The following IL1RAP variants were observed in gnomAD, a reference collection of about 807,000 sequenced individuals.
IL1RAP encodes the protein interleukin-1 receptor accessory protein.
A neutral mutation model predicts 60.7 loss-of-function variants in IL1RAP; 35 were observed. That is an observed-to-expected ratio of 0.58 (90% confidence interval 0.44 to 0.76). The LOEUF (loss-of-function observed/expected upper bound fraction) is 0.76. IL1RAP is among the 30% of genes least tolerant of loss of function. The probability of loss-of-function intolerance (pLI) is 0.00; values close to 1 mark genes in which losing one functional copy is unlikely to be tolerated. For missense variants in IL1RAP, 572 were observed against 693.9 expected, an observed-to-expected ratio of 0.82 and a Z score of 1.97; for synonymous variants, 268 against 250.9, an observed-to-expected ratio of 1.07 and a Z score of -0.64.
chr3:190,628,458 C>T (rs1265147113), intron 8 of IL1RAP, among the ~76,000 whole-genome samples: 1 of 152,178 alleles, frequency 6.6e-6, no homozygotes, highest in Non-Finnish European at 1.5e-5. Flanking sequence ...AATCAGAGCC[C>T]TTAACCAAAT....
chr3:190,580,250 C>T (rs1159195224), intron 3 of IL1RAP, among the ~76,000 whole-genome samples: 1 of 152,134 alleles, frequency 6.6e-6, no homozygotes, highest in Non-Finnish European at 1.5e-5. Flanking sequence ...CAACTGAGAA[C>T]ATCTCCTGTG....
At position 190,623,375 on chromosome 3, in the gene IL1RAP, C is replaced by T. The variant is rs764574014; in HGVS notation, c.735C>T (p.Ile245=). 6.2e-7 allele frequency: 1 copy of T among 1,613,536 alleles called. No individual in the cohort carries two copies. Among genetic ancestry groups the T allele is most frequent in the South Asian group, 1.1e-5 (1 of 91,062 alleles). ...GSPKNAVPPV[I]HSPNDHVVYE... Reference sequence around the variant, plus strand: ...CAAAAAATGCAGTGCCCCCTGTGATCCATTCACCTAATGATCATGTGGTCT... The same window carrying T: ...CAAAAAATGCAGTGCCCCCTGTGATTCATTCACCTAATGATCATGTGGTCT... The change falls in exon 7 of 12, where the codon ATC becomes ATT. Residue 245 remains isoleucine, a synonymous_variant. Transcript: ENST00000447382.
chr3:190,544,379 C>T (rs1724197703), intron 1 of IL1RAP, among the ~76,000 whole-genome samples: 1 of 152,138 alleles, frequency 6.6e-6, no homozygotes, highest in Non-Finnish European at 1.5e-5. Flanking sequence ...TACTTAAATC[C>T]ACCAGCATGT....
At chr3:190,562,390 T>G (rs1725969754) in intron 2 of IL1RAP, among the ~76,000 whole-genome samples, 1 of 152,066 alleles carries the variant, frequency 6.6e-6, no homozygotes, top group Admixed American at 6.6e-5. Flanking sequence ...TTGGTGCACA[T>G]TTTAAGTTTC....
chr3:190,566,661 A>G (rs1249407778), intron 3 of IL1RAP, among the ~76,000 whole-genome samples: 1 of 152,184 alleles, frequency 6.6e-6, no homozygotes, highest in Non-Finnish European at 1.5e-5. Flanking sequence ...CCCATCTGGC[A>G]CGTACTCATT....
At chr3:190,567,863 C>T (rs1037638371) in intron 3 of IL1RAP, among the ~76,000 whole-genome samples, 2 of 152,036 alleles carry the variant, frequency 1.3e-5, no homozygotes, top group Non-Finnish European at 2.9e-5. Context: ...CTAATAAACT[C>T]GAAGAAGTTC....
In IL1RAP at chr3:190,624,600, C is replaced by T. The variant is rs182101387; in HGVS notation, c.775+1185C>T. ...GTCAGTTGTTAATGGGTGAAAGCAA[C>T]GGAGAGGATGCCATTCAATAAAAAA... On this transcript the variant is annotated intron_variant, in intron 7 of 11. Transcript: ENST00000447382. 51 of 150,644 alleles carry T rather than the reference C, an allele frequency of 3.4e-4. No homozygotes were observed. In the East Asian group the frequency reaches 5.1e-3, roughly 15 times the overall value. The allele number at this position is 150,644 out of a possible 1,614,324, so 9.3% of individuals were successfully genotyped here.
chr3:190,520,720 A>G (rs1721946501), intron 1 of IL1RAP, among the ~76,000 whole-genome samples: 1 of 152,164 alleles, frequency 6.6e-6, no homozygotes, highest in African/African-American at 2.4e-5. Flanking sequence ...GTAACCTTTT[A>G]TGTCTAGTTT....
chr3:190,596,224 G>C (rs1729366584), intron 3 of IL1RAP, among the ~76,000 whole-genome samples: 1 of 152,156 alleles, frequency 6.6e-6, no homozygotes, highest in Non-Finnish European at 1.5e-5. Flanking sequence ...ATAGTGCTTT[G>C]CGCATAGCAG....
At chr3:190,529,233 G>A (rs1313866586) in intron 1 of IL1RAP, among the ~76,000 whole-genome samples, 1 of 152,118 alleles carries the variant, frequency 6.6e-6, no homozygotes, top group Non-Finnish European at 1.5e-5. Flanking sequence ...GGAAGATCTG[G>A]CAGGAATTGA....
At chr3:190,585,519 G>A (rs1728374973) in intron 3 of IL1RAP, among the ~76,000 whole-genome samples, 1 of 152,086 alleles carries the variant, frequency 6.6e-6, no homozygotes, top group Admixed American at 6.5e-5. Flanking sequence ...TCATTAACAT[G>A]TGTCACTTTA....
chr3:190,610,913 G>A (rs1203845303), intron 5 of IL1RAP, among the ~76,000 whole-genome samples: 1 of 152,130 alleles, frequency 6.6e-6, no homozygotes, highest in African/African-American at 2.4e-5. Context: ...TATGAAGTCA[G>A]TTTAAATTTA....
chr3:190,572,855 C>CTTT (rs1337681913), intron 3 of IL1RAP, among the ~76,000 whole-genome samples: 1 of 57,594 alleles, frequency 1.7e-5, no homozygotes, highest in African/African-American at 6.7e-5. Flanking sequence ...AGGGTTAATG[C>CTTT]TTTGTTTTTT....
exon 12 of IL1RAP, chr3:190,657,719 T>C (rs1220770553): frequency 6.6e-6 from 1 of 152,186 alleles, no homozygotes; most frequent in Non-Finnish European, 1.5e-5. Context: ...GTCAGGTAGA[T>C]CATTGGCCCT....
intron 5 of IL1RAP, among the ~76,000 whole-genome samples, chr3:190,615,699 A>G (rs1289898285): frequency 1.3e-5 from 2 of 152,100 alleles, no homozygotes; most frequent in Non-Finnish European, 2.9e-5. Context: ...AAATTGATAT[A>G]TTACCTCCAC....
intron 1 of IL1RAP, among the ~76,000 whole-genome samples, chr3:190,526,961 T>C (rs1476830377): frequency 1.3e-5 from 2 of 152,254 alleles, no homozygotes; most frequent in Admixed American, 1.3e-4. Context: ...AGGCCAGTTC[T>C]GGAGAACAGC....
At chr3:190,525,960 C>T (rs970950663) in intron 1 of IL1RAP, among the ~76,000 whole-genome samples, 2 of 152,076 alleles carry the variant, frequency 1.3e-5, no homozygotes, top group African/African-American at 4.8e-5. Context: ...TGAAATCTGT[C>T]GTAGTGAAGA....
chr3:190,610,667 T>C (rs904852960), intron 5 of IL1RAP, among the ~76,000 whole-genome samples: 4 of 152,152 alleles, frequency 2.6e-5, no homozygotes, highest in Admixed American at 1.3e-4. Context: ...AAAGCTTGTG[T>C]GCTTAATAAC....
intron 3 of IL1RAP, among the ~76,000 whole-genome samples, chr3:190,585,125 A>T (rs2108688861): frequency 1.3e-5 from 2 of 152,278 alleles, no homozygotes; most frequent in South Asian, 4.1e-4. Context: ...AACAATAAAG[A>T]CTGTGGATGA....
Sources: gnomAD v4.1 joint callset for allele counts (sites outside exome capture counted in the v4.1 genomes callset) on GRCh38, gnomAD v4.1.1 for gene constraint, MANE v1.5 for transcripts, NCBI Gene and HGNC (gene_info 2026-07-23, HGNC 2026-07-21) for gene names.